Variants in ABCD3 observed in about 807,000 individuals in gnomAD.
The protein encoded by ABCD3 is ATP-binding cassette sub-family D member 3.
ABCD3 carries 41 observed loss-of-function variants against 105.5 expected under a neutral mutation model. The observed-to-expected ratio is 0.39, with a 90% confidence interval of 0.30 to 0.50. The LOEUF is 0.50. Among genes scored for constraint, ABCD3 ranks in the 20% least tolerant of loss-of-function variants. ABCD3 has a pLI of 0.84. For synonymous variants in ABCD3, 258 were observed against 269.0 expected (o/e 0.96, Z 0.40); for missense variants, 622 against 806.3 (o/e 0.77, Z 2.77).
At chr1:94,510,792 A>G (rs932664358) in intron 21 of ABCD3, among the ~76,000 whole-genome samples, 16 of 151,972 alleles carry the variant, frequency 1.1e-4, no homozygotes, top group African/African-American at 3.9e-4. Flanking sequence ...AGTCTGTTTT[A>G]TCAGAGGCTA....
intron 1 of ABCD3, among the ~76,000 whole-genome samples, chr1:94,428,627 T>G (rs1659561134): frequency 6.6e-6 from 1 of 152,054 alleles, no homozygotes; most frequent in African/African-American, 2.4e-5. Context: ...AGTGAACGGT[T>G]TTTTAAAGAG....
chr1:94,409,339 A>C, the ABCD3 span, among the ~76,000 whole-genome samples: 1 of 152,248 alleles, frequency 6.6e-6, no homozygotes, highest in Admixed American at 6.5e-5. Context: ...ACCCATAAAC[A>C]TATACACCTA....
At chr1:94,404,897 C>T in the ABCD3 span, among the ~76,000 whole-genome samples, 2 of 150,388 alleles carry the variant, frequency 1.3e-5, no homozygotes, top group South Asian at 2.1e-4. Flanking sequence ...TGATATTGCG[C>T]CGCTGCACTG....
At chr1:94,462,803 C>T (rs1035035056) in intron 2 of ABCD3, among the ~76,000 whole-genome samples, 6 of 152,084 alleles carry the variant, frequency 3.9e-5, no homozygotes, top group African/African-American at 1.2e-4. Flanking sequence ...AGGGTGTTGC[C>T]TACAGGTAAG....
chr1:94,484,992 G>C (rs1293111049), intron 10 of ABCD3, among the ~76,000 whole-genome samples: 1 of 152,118 alleles, frequency 6.6e-6, no homozygotes, highest in Non-Finnish European at 1.5e-5. Context: ...ACAGTGTCTT[G>C]CAACTATTCA....
intron 20 of ABCD3, among the ~76,000 whole-genome samples, chr1:94,502,102 T>G (rs188471181): frequency 9.5e-4 from 145 of 152,296 alleles, no homozygotes; most frequent in African/African-American, 3.2e-3. Flanking sequence ...CCTTTCCCAC[T>G]TTTTGTGTCA....
At chr1:94,514,440 TG>T (rs890854729) in intron 21 of ABCD3, 16 of 151,954 alleles carry the variant, frequency 1.1e-4, no homozygotes, top group African/African-American at 1.9e-4. Context: ...TATCTATTAA[TG>T]TTTTTTTTTT....
At chr1:94,494,123 C>T (rs186889931) in intron 16 of ABCD3, among the ~76,000 whole-genome samples, 98 of 152,034 alleles carry the variant, frequency 6.4e-4, no homozygotes, top group African/African-American at 2.3e-3. Flanking sequence ...AGAACAATAA[C>T]TACCCTGTAT....
chr1:94,478,610 G>C (rs1570797934), intron 8 of ABCD3: 1 of 1,260,862 alleles, frequency 7.9e-7, no homozygotes. Context: ...CAGCACTTTG[G>C]GAGGCTGAGA....
chr1:94,492,589 T>C (rs1649586301), intron 16 of ABCD3, among the ~76,000 whole-genome samples: 1 of 152,166 alleles, frequency 6.6e-6, no homozygotes, highest in Non-Finnish European at 1.5e-5. Flanking sequence ...TAGCTCCAGG[T>C]ACTTCAGTCA....
At chr1:94,421,326 A>G (rs2100865208) in intron 1 of ABCD3, among the ~76,000 whole-genome samples, 2 of 152,284 alleles carry the variant, frequency 1.3e-5, no homozygotes, top group Middle Eastern at 6.8e-3. Flanking sequence ...TCCCTATGAC[A>G]AATTAGAACA....
rs1211677578 is a variant in ABCD3 at position 94,418,453 on chromosome 1, G to A, written c.-26G>A. ...GCCGCCGCCGCCGCCGCGTCCCCTCGCCGGCTCGCTGGTACCGGCAGTGCC... is the reference window on the plus strand; with the variant it reads ...GCCGCCGCCGCCGCCGCGTCCCCTCACCGGCTCGCTGGTACCGGCAGTGCC... On this transcript the variant is annotated 5_prime_UTR_variant, in exon 1 of 23. Coordinates refer to ENST00000370214, the MANE Select transcript of ABCD3 (RefSeq NM_002858.4). 1.3e-6 allele frequency: 2 copies of A among 1,565,160 alleles called. No individual in the cohort carries two copies. The highest frequency in any genetic ancestry group is 1.4e-5 in the African/African-American group (1 of 73,242).
intron 10 of ABCD3, among the ~76,000 whole-genome samples, chr1:94,483,750 A>G (rs1649146767): frequency 6.6e-6 from 1 of 152,142 alleles, no homozygotes; most frequent in African/African-American, 2.4e-5. Flanking sequence ...CTTCATGTCT[A>G]AAACACCAAA....
rs201264999 is a variant in ABCD3, at chr1:94,498,561, G to A, written c.1387-41G>A. ...ATGTTGATTAAGTATATGTTAATTT[G>A]ATTTAATTACTTCACAGACTGATTT... On this transcript the variant is annotated intron_variant, in intron 16 of 22. Transcript: ENST00000370214. The A allele has an allele frequency of 2.3e-4, 365 of 1,590,060 alleles. 4 individuals are homozygous for A. In the African/African-American group the frequency reaches 4.3e-3, roughly 19 times the overall value.
At chr1:94,419,139 A>C (rs1021288316) in intron 1 of ABCD3, among the ~76,000 whole-genome samples, 2 of 152,128 alleles carry the variant, frequency 1.3e-5, no homozygotes, top group Non-Finnish European at 2.9e-5. Context: ...CTATGAAACT[A>C]TTCCCGGTCC....
At chr1:94,494,868 C>A (rs189983858) in intron 16 of ABCD3, among the ~76,000 whole-genome samples, 1 of 152,054 alleles carries the variant, frequency 6.6e-6, no homozygotes, top group African/African-American at 2.4e-5. Flanking sequence ...TGCTTGAGCT[C>A]AGGAGTTTGA....
At chr1:94,396,280 C>T in the ABCD3 span, among the ~76,000 whole-genome samples, 3 of 152,290 alleles carry the variant, frequency 2.0e-5, no homozygotes, top group Non-Finnish European at 4.4e-5. Context: ...TCTCATAGTG[C>T]TATTGTGAGA....
Position 94,506,597 on chromosome 1 carries a change from A to T in ABCD3, c.1800A>T (p.Ala600=). ...CCATTTTGGATGAATGCACAAGTGC[A>T]GTTAGTGTCGACGTGGAAGGCTACA... The part of the protein sequence containing the change: ...QFAILDECTS[A]VSVDVEGYIY... Residue 600 remains alanine, a synonymous_variant, in exon 21 of 23, where the codon GCA becomes GCT. Transcript: ENST00000370214. 1 of 1,613,148 alleles carries T rather than the reference A, an allele frequency of 6.2e-7. No individual in the cohort carries two copies. The highest frequency in any genetic ancestry group is 8.5e-7 in the Non-Finnish European group (1 of 1,179,344).
chr1:94,476,677 A>G (rs777973058), intron 7 of ABCD3, among the ~76,000 whole-genome samples: 8 of 152,174 alleles, frequency 5.3e-5, no homozygotes, highest in Non-Finnish European at 7.4e-5. Flanking sequence ...AGGGAAGGCA[A>G]TTCTTAGAGA....
Sources: gnomAD v4.1 joint callset for allele counts (sites outside exome capture counted in the v4.1 genomes callset) on GRCh38, gnomAD v4.1.1 for gene constraint, MANE v1.5 for transcripts, NCBI Gene and HGNC (gene_info 2026-07-23, HGNC 2026-07-21) for gene names.